The following XDH variants were observed in gnomAD, a reference collection of about 807,000 sequenced individuals.
The protein encoded by XDH is xanthine dehydrogenase/oxidase.
XDH carries 138 observed loss-of-function variants against 156.1 expected under a neutral mutation model. The observed-to-expected ratio is 0.88, with a 90% CI of 0.77 to 1.02. The LOEUF (loss-of-function observed/expected upper bound fraction) is 1.02, where lower values mean the gene tolerates loss of function less well. XDH is among the 50% of genes least tolerant of loss of function. The pLI, the probability that XDH is intolerant of heterozygous loss-of-function variation, is 0.00. For missense variants in XDH, 1,849 were observed against 1,684.9 expected (o/e 1.10, Z -1.71); for synonymous variants, 669 against 625.7 (o/e 1.07, Z -1.03).
intron 1 of XDH, among the ~76,000 whole-genome samples, 189 bp downstream of exon 1, chr2:31,414,436 C>T (rs1335136815): frequency 6.6e-6 from 1 of 151,706 alleles, no homozygotes; most frequent in Non-Finnish European, 1.5e-5. Flanking sequence ...CTTGTCTGTG[C>T]TCTAGCCCCG....
rs1009900673 is a variant in XDH at position 31,350,108 on chromosome 2, C to A, written c.2747G>T (p.Gly916Val). The A allele has an allele frequency of 3.1e-6, 5 of 1,614,122 alleles. No homozygotes were observed. The highest frequency in any genetic ancestry group is 3.3e-4 in the Middle Eastern group (2 of 6,082). The change falls in exon 25 of 36, where the codon GGG becomes GTG. Residue 916 changes from glycine to valine, a missense_variant. Transcript: ENST00000379416. ...LPSNTAFRGF[G>V]GPQGMLIAEC... ...GGCAATGAGCATCCCCTGGGGCCCC[C>A]CAAAGCCCCGGAAGGCCGTGTTGGA...
At chr2:31,378,055 G>GAAAGAAAGA (rs1686298042) in intron 13 of XDH, among the ~76,000 whole-genome samples, 12 of 65,524 alleles carry the variant, frequency 1.8e-4, no homozygotes, top group African/African-American at 5.3e-4. Flanking sequence ...AGAAAGAAAG[G>GAAAGAAAGA]AAGAAAGAAA....
At chr2:31,404,679 C>T (rs1319424818) in intron 2 of XDH, among the ~76,000 whole-genome samples, 1 of 152,172 alleles carries the variant, frequency 6.6e-6, no homozygotes, top group Non-Finnish European at 1.5e-5. Flanking sequence ...CCAGACCTCC[C>T]AGGTAGATGG....
rs1686440818 is a variant in XDH, at chr2:31,381,711, T to C, written c.1054A>G (p.Ile352Val). 1.2e-6 allele frequency: 2 copies of C among 1,613,618 alleles called. No individual in the cohort carries two copies. The highest frequency in any genetic ancestry group is 1.1e-5 in the South Asian group (1 of 90,922). The change falls in exon 12 of 36, where the codon ATC (isoleucine) becomes GTC (valine). Residue 352 changes from isoleucine (I) to valine (V), a missense_variant. Coordinates refer to ENST00000379416, the MANE Select transcript of XDH (RefSeq NM_000379.4). Reference protein sequence around the residue: ...VKSVASVGGNIITASPISDLN... With the variant: ...VKSVASVGGNVITASPISDLN... ...TCGGAGATGGGGCTGGCAGTGATGA[T>C]GTTCCCTCCAACGGACTAAAACAAG...
rs531463678 is a variant in XDH at position 31,378,535 on chromosome 2, G to A, written c.1243-1298C>T. ...TTTCCCTGAAGAAGCCATGGAGCCCGCTCCTGATGATAAAGCTAGCTCAGC... is the reference window on the plus strand; with the variant it reads ...TTTCCCTGAAGAAGCCATGGAGCCCACTCCTGATGATAAAGCTAGCTCAGC... On this transcript the variant is annotated intron_variant, in intron 13 of 35. Transcript: ENST00000379416. 1.1e-4 allele frequency among the ~76,000 whole-genome samples: 17 copies of A among 152,218 alleles called. No individual in the cohort carries two copies. In the South Asian group the frequency reaches 2.9e-3, roughly 26 times the overall value.
intron 6 of XDH, among the ~76,000 whole-genome samples, chr2:31,391,038 A>C (rs1410002328): frequency 6.6e-6 from 1 of 152,144 alleles, no homozygotes; most frequent in Admixed American, 6.5e-5. Flanking sequence ...TGTTGCATCT[A>C]AAAAGTCATC....
intron 35 of XDH, among the ~76,000 whole-genome samples, chr2:31,336,219 C>A (rs1004648518): frequency 6.6e-6 from 1 of 152,216 alleles, no homozygotes; most frequent in African/African-American, 2.4e-5. Flanking sequence ...ACATGGCAGG[C>A]GTTCTATTAG....
intron 16 of XDH, 80 bp from the exon 17 acceptor site, chr2:31,372,477 T>C: frequency 6.3e-7 from 1 of 1,592,020 alleles, no homozygotes; most frequent in Non-Finnish European, 8.6e-7. Context: ...CTGGTGAGCT[T>C]CATGCTACAT....
At chr2:31,371,792 C>T (rs1320102090) in intron 17 of XDH, among the ~76,000 whole-genome samples, 1 of 152,120 alleles carries the variant, frequency 6.6e-6, no homozygotes, top group Non-Finnish European at 1.5e-5. Context: ...AGAGAAAAGA[C>T]CAATGACAAG....
intron 6 of XDH, among the ~76,000 whole-genome samples, chr2:31,390,718 G>A (rs551798280): frequency 6.6e-6 from 1 of 152,214 alleles, no homozygotes; most frequent in East Asian, 1.9e-4. Flanking sequence ...GACCTGTGGT[G>A]GTATTTCACT....
intron 6 of XDH, 135 bp downstream of exon 6, chr2:31,397,533 A>G: frequency 1.8e-6 from 2 of 1,087,164 alleles, no homozygotes; most frequent in Non-Finnish European, 2.9e-6. Context: ...ATGTCCCCAG[A>G]GGGAAGACTC....
chr2:31,397,769 C>G (rs1269872062), intron 5 of XDH, 40 bp from the exon 6 acceptor site: 4 of 1,611,830 alleles, frequency 2.5e-6, no homozygotes, highest in Non-Finnish European at 1.7e-6. Context: ...AGTGCAGGGC[C>G]CTGGGATGGG....
chr2:31,403,746 C>T (rs1041126492), intron 2 of XDH, among the ~76,000 whole-genome samples: 2 of 152,132 alleles, frequency 1.3e-5, no homozygotes, highest in African/African-American at 2.4e-5. Flanking sequence ...TTGGGCCTCA[C>T]TCTTACATAT....
In XDH at chr2:31,365,535, G is replaced by T; in HGVS notation, c.2466C>A (p.Arg822=). 6.2e-7 allele frequency: 1 copy of T among 1,614,132 alleles called. No individual in the cohort carries two copies. The highest frequency in any genetic ancestry group is 1.3e-5 in the African/African-American group (1 of 75,026). Residue 822 remains arginine, a synonymous_variant, in exon 23 of 36, where the codon CGC becomes CGA. Transcript: ENST00000379416. ...CACGGTCCAGCATGCATCGCACAGGGCGGCCGGTCCTGGGGGTTACCGACA... is the reference window on the plus strand; with the variant it reads ...CACGGTCCAGCATGCATCGCACAGGTCGGCCGGTCCTGGGGGTTACCGACA... ...AVALAAYKTG[R]PVRCMLDRDE... is the part of the protein sequence containing the mutation.
chr2:31,362,525 T>C (rs1216777970), intron 24 of XDH, among the ~76,000 whole-genome samples: 1 of 152,202 alleles, frequency 6.6e-6, no homozygotes, highest in African/African-American at 2.4e-5. Context: ...TATCTAAACA[T>C]TTTTAATATG....
chr2:31,388,641 G>A (rs955744410), intron 6 of XDH, among the ~76,000 whole-genome samples: 4 of 152,164 alleles, frequency 2.6e-5, no homozygotes, highest in African/African-American at 9.7e-5. Context: ...GTCTATGAGG[G>A]ATATTCCCAT....
At chr2:31,414,234 A>T (rs915671711) in intron 1 of XDH, among the ~76,000 whole-genome samples, 1 of 152,100 alleles carries the variant, frequency 6.6e-6, no homozygotes, top group Non-Finnish European at 1.5e-5. Context: ...CTGTAAAGAG[A>T]GCAACGTAAA....
At chr2:31,349,948 A>G in intron 25 of XDH, 84 bp downstream of exon 25, 8 of 1,610,982 alleles carry the variant, frequency 5.0e-6, no homozygotes, top group South Asian at 3.3e-5. Context: ...ATCTGCCCCC[A>G]TGGGAGATGC....
intron 17 of XDH, among the ~76,000 whole-genome samples, 179 bp downstream of exon 17, chr2:31,372,049 C>CAGAGAG: frequency 6.6e-6 from 1 of 152,338 alleles, no homozygotes; most frequent in African/African-American, 2.4e-5. Context: ...TCATCTGGAA[C>CAGAGAG]AGAGAGATAA....
Sources: allele counts gnomAD v4.1 joint callset (sites outside exome capture counted in the v4.1 genomes callset), GRCh38; gene constraint gnomAD v4.1.1; transcripts MANE v1.5; gene names NCBI Gene and HGNC (gene_info 2026-07-23, HGNC 2026-07-21).